Variants in CPM observed in about 807,000 individuals in gnomAD.
The protein encoded by CPM is renal carboxypeptidase.
CPM carries 35 observed loss-of-function variants against 46.4 expected under a neutral mutation model. That is an observed-to-expected ratio of 0.75 (90% CI 0.58 to 1.00). The LOEUF (loss-of-function observed/expected upper bound fraction) is 1.00, where lower values mean the gene tolerates loss of function less well. Among genes scored for constraint, CPM ranks in the 50% least tolerant of loss-of-function variants. The pLI, the probability that CPM is intolerant of heterozygous loss-of-function variation, is 0.00. For synonymous variants in CPM, 195 were observed against 195.3 expected (o/e 1.00, Z 0.01); for missense variants, 422 against 530.4 (o/e 0.80, Z 2.01).
chr12:68,885,137 G>T (rs990080960), intron 3 of CPM, among the ~76,000 whole-genome samples: 2 of 152,042 alleles, frequency 1.3e-5, no homozygotes, highest in African/African-American at 4.8e-5. Context: ...TAGAGACAAG[G>T]TTTCACCATG....
chr12:68,885,952 T>C, intron 2 of CPM, 63 bp from the exon 3 acceptor site: 1 of 1,431,710 alleles, frequency 7.0e-7, no homozygotes. Context: ...AAATGAACTC[T>C]GGTAAGACTA....
intron 2 of CPM, among the ~76,000 whole-genome samples, chr12:68,887,768 C>T (rs966052240): frequency 7.9e-5 from 12 of 152,152 alleles, no homozygotes; most frequent in African/African-American, 2.9e-4. Context: ...GTGTAGTGTA[C>T]TGTTGTGGGC....
intron 2 of CPM, among the ~76,000 whole-genome samples, chr12:68,900,948 A>T (rs1887086137): frequency 6.6e-6 from 1 of 152,194 alleles, no homozygotes; most frequent in Admixed American, 6.5e-5. Flanking sequence ...CAATGTCATT[A>T]TACATTTGTC....
At chr12:68,909,297 C>G (rs1228899968) in intron 2 of CPM, among the ~76,000 whole-genome samples, 1 of 152,198 alleles carries the variant, frequency 6.6e-6, no homozygotes, top group Non-Finnish European at 1.5e-5. Context: ...AAACAATCCT[C>G]CCATCTTGAC....
At position 68,920,857 on chromosome 12, in the gene CPM, AT is replaced by A. The variant is rs531190883; in HGVS notation, c.160+11820del. ...AGGTGTGCACCACCATGCCTGGCTA[AT>A]TTTTTTTTTTTTTGCATTTTTTTAG... On this transcript the variant is annotated intron_variant, in intron 2 of 8. Transcript: ENST00000551568. Among the ~76,000 whole-genome samples the A allele has an allele frequency of 4.2e-3, 585 of 138,288 alleles. 1 individual carries two copies. The highest frequency in any genetic ancestry group is 5.5e-3 in the Admixed American group (76 of 13,882). The allele number at this position is 138,288 out of a possible 152,430, so 90.7% of individuals were successfully genotyped here.
chr12:68,892,820 G>A (rs1886710416), intron 2 of CPM, among the ~76,000 whole-genome samples: 1 of 152,000 alleles, frequency 6.6e-6, no homozygotes. Context: ...TTCAGCCTGG[G>A]CAACAAAAGC....
Position 68,900,677 on chromosome 12 carries a change from T to C in CPM, c.161-14788A>G, listed in dbSNP as rs76577832. Among the ~76,000 whole-genome samples, 164 of 152,218 alleles carry C rather than the reference T, an allele frequency of 1.1e-3. 1 individual carries two copies. Among genetic ancestry groups the C allele is most frequent in the African/African-American group, 3.8e-3 (159 of 41,518 alleles). ...AATAACCTGTGGTACACTCAGACAA[T>C]GGAATACGAGTCAGTGTTGAAAAGA... On this transcript the variant is annotated intron_variant, in intron 2 of 8. Coordinates refer to ENST00000551568, the MANE Select transcript of CPM (RefSeq NM_198320.5).
chr12:68,932,219 A>G (rs563304677), intron 2 of CPM, among the ~76,000 whole-genome samples: 1 of 152,368 alleles, frequency 6.6e-6, no homozygotes. Flanking sequence ...AAGGCTAACT[A>G]CAGATGACAC....
chr12:68,930,449 T>C (rs1888453640), intron 2 of CPM, among the ~76,000 whole-genome samples: 1 of 152,206 alleles, frequency 6.6e-6, no homozygotes, highest in African/African-American at 2.4e-5. Context: ...AAATATCTAG[T>C]GAAAAAGACC....
chr12:68,872,691 T>C (rs910012570), intron 3 of CPM, among the ~76,000 whole-genome samples: 65 of 152,192 alleles, frequency 4.3e-4, no homozygotes, highest in African/African-American at 1.5e-3. Context: ...ATGAAGCTTA[T>C]CATGTATGTA....
At chr12:68,919,819 G>C (rs12424309) in intron 2 of CPM, among the ~76,000 whole-genome samples, 1 of 152,132 alleles carries the variant, frequency 6.6e-6, no homozygotes, top group East Asian at 1.9e-4. Context: ...AAAAAATTAC[G>C]TGTCTGCCCC....
At chr12:68,850,060 G>A (rs1459642951), downstream of CPM, 1 of 152,246 alleles carries the variant, frequency 6.6e-6, no homozygotes, top group African/African-American at 2.4e-5. Context: ...TGAGGTGGGT[G>A]GATCACTTGA....
rs770454479 is a variant in CPM at position 68,932,763 on chromosome 12, C to T, written c.75G>A (p.Gln25=). ...VAALDFNYHR[Q]EGMEAFLKTV... is the part of the protein sequence containing the mutation. The stretch of plus-strand genomic sequence containing the variant: ...TCTTCAAAAACGCTTCCATCCCTTC[C>T]TGGCGGTGGTAGTTGAAATCCAGCG... The change falls in exon 2 of 9, where the codon CAG becomes CAA. Residue 25 remains glutamine (Q), a synonymous_variant. Coordinates refer to ENST00000551568, the MANE Select transcript of CPM (RefSeq NM_198320.5). 2 of 1,614,220 alleles carry T rather than the reference C, an allele frequency of 1.2e-6. No individual in the cohort carries two copies. Among genetic ancestry groups the T allele is most frequent in the South Asian group, 2.2e-5 (2 of 91,084 alleles).
rs1182327023 is a variant in CPM, at chr12:68,853,407, TG to T, written c.*3029del. The T allele has an allele frequency of 2.0e-5, 3 of 152,230 alleles. No homozygotes were observed. The highest frequency in any genetic ancestry group is 7.2e-5 in the African/African-American group (3 of 41,466). The allele number at this position is 152,230 out of a possible 1,614,324, so 9.4% of individuals were successfully genotyped here. A position where few individuals can be genotyped will look rare whatever the true frequency, so the allele number is the denominator to read the frequency against. ...TATTCAGATTATTATGAGTTTTTTT[TG>T]GTTATCATCTATTGCTGCTGCACAA... On this transcript the variant is annotated 3_prime_UTR_variant, in exon 9 of 9. Transcript: ENST00000551568.
downstream of CPM, chr12:68,850,570 C>T (rs969540933): frequency 6.6e-6 from 1 of 152,148 alleles, no homozygotes; most frequent in Admixed American, 6.5e-5. Flanking sequence ...TCGATATTAG[C>T]AGGGGTTAGG....
intron 2 of CPM, among the ~76,000 whole-genome samples, chr12:68,924,028 C>T (rs928327758): frequency 8.6e-5 from 13 of 150,916 alleles, no homozygotes; most frequent in African/African-American, 3.2e-4. Flanking sequence ...AAATTGTGGG[C>T]GGAGGGGACA....
intron 2 of CPM, among the ~76,000 whole-genome samples, chr12:68,922,626 T>C (rs1415687762): frequency 1.3e-5 from 2 of 151,998 alleles, no homozygotes; most frequent in Admixed American, 1.3e-4. Context: ...GCATTTTTTT[T>C]TTTTTTTTTT....
Position 68,851,238 on chromosome 12 carries a change from T to C in CPM, c.*5199A>G, listed in dbSNP as rs1884658541. The C allele has an allele frequency of 6.6e-6, 1 of 152,580 alleles. No homozygotes were observed. The highest frequency in any genetic ancestry group is 6.5e-5 in the Admixed American group (1 of 15,278). 9.5% of individuals were successfully genotyped at this position (152,580 alleles called of 1,614,324 possible). A position where few individuals can be genotyped will look rare whatever the true frequency, so the allele number is the denominator to read the frequency against. On this transcript the variant is annotated 3_prime_UTR_variant, in exon 9 of 9. Transcript: ENST00000551568. The stretch of plus-strand genomic sequence containing the variant: ...ATTTTAAATTTACTAAATTCAGAGG[T>C]AGTCATGGCCTCTCCCCAATAAACT...
At chr12:68,940,888 T>G in intron 1 of CPM, among the ~76,000 whole-genome samples, 1 of 152,132 alleles carries the variant, frequency 6.6e-6, no homozygotes, top group East Asian at 1.9e-4. Context: ...AAGTGTACAG[T>G]GCAGTTGTGT....
Sources: gnomAD v4.1 joint callset for allele counts (sites outside exome capture counted in the v4.1 genomes callset) on GRCh38, gnomAD v4.1.1 for gene constraint, MANE v1.5 for transcripts, NCBI Gene and HGNC (gene_info 2026-07-23, HGNC 2026-07-21) for gene names.